TBL1Y: variants seen among roughly 807,000 people sequenced by gnomAD.
The protein encoded by TBL1Y is transducin beta like 1 Y-linked.
A neutral mutation model predicts 12.0 loss-of-function variants in TBL1Y; 15 were observed. The ratio of observed to expected loss-of-function variants is 1.25; its 90% CI spans 0.83 to 1.92. The LOEUF (loss-of-function observed/expected upper bound fraction) is 1.92. Among genes scored for constraint, TBL1Y ranks in the 40% most tolerant of loss-of-function variants. The pLI is 0.00. For synonymous variants in TBL1Y, 53 were observed against 42.6 expected (o/e 1.24, Z -0.95); for missense variants, 148 against 116.7 (o/e 1.27, Z -1.24).
chrY:6,946,450 A>G, intron 2 of TBL1Y, among the ~76,000 whole-genome samples: 1 of 33,059 alleles, frequency 3.0e-5, no homozygotes, highest in Non-Finnish European at 7.4e-5. Flanking sequence ...GTTGGGGCAC[A>G]GCTTGGGTTC....
chrY:7,057,987 G>A (rs2012833690), intron 7 of TBL1Y, among the ~76,000 whole-genome samples: 1 of 33,701 alleles, frequency 3.0e-5, no homozygotes, highest in East Asian at 7.9e-4. Context: ...ATTTGATTGC[G>A]GGCTTTAAAT....
chrY:7,063,262 G>A, intron 7 of TBL1Y, among the ~76,000 whole-genome samples: 1 of 33,711 alleles, frequency 3.0e-5, no homozygotes, highest in Non-Finnish European at 7.3e-5. Context: ...TCTCAGCAAG[G>A]CAAGTTACTT....
intron 8 of TBL1Y, among the ~76,000 whole-genome samples, chrY:7,065,041 G>T (rs2012969622): frequency 3.0e-5 from 1 of 33,215 alleles, no homozygotes; most frequent in Non-Finnish European, 7.4e-5. Context: ...TATTAACTAT[G>T]CAGTGACATG....
intron 2 of TBL1Y, among the ~76,000 whole-genome samples, chrY:6,921,490 A>G: frequency 1.2e-4 from 4 of 32,259 alleles, no homozygotes; most frequent in African/African-American, 4.9e-4. Context: ...CATTTTTCCT[A>G]TCTTGGTGGA....
chrY:6,955,730 A>T, intron 2 of TBL1Y, among the ~76,000 whole-genome samples: 1 of 34,017 alleles, frequency 2.9e-5, no homozygotes, highest in Non-Finnish European at 7.3e-5. Context: ...GAAAACAATA[A>T]GGTTAAGTCA....
intron 2 of TBL1Y, among the ~76,000 whole-genome samples, chrY:6,922,953 T>C (rs2011793964): frequency 2.9e-5 from 1 of 34,066 alleles, no homozygotes; most frequent in African/African-American, 1.1e-4. Flanking sequence ...CGCTTTTACC[T>C]CCACATCTCC....
At chrY:7,043,165 C>T in intron 7 of TBL1Y, 40 bp downstream of exon 7, 1 of 392,411 alleles carries the variant, frequency 2.5e-6, no homozygotes, top group Non-Finnish European at 3.6e-6. Flanking sequence ...CAGCAGAGCC[C>T]TGGGAAGGTG....
chrY:6,971,683 G>A (rs2012209167), intron 2 of TBL1Y, among the ~76,000 whole-genome samples: 1 of 33,075 alleles, frequency 3.0e-5, no homozygotes, highest in Non-Finnish European at 7.4e-5. Context: ...ATCTCAGTCC[G>A]CTGCAACTTC....
intron 2 of TBL1Y, among the ~76,000 whole-genome samples, chrY:6,959,484 G>A: frequency 3.1e-5 from 1 of 32,142 alleles, no homozygotes; most frequent in South Asian, 7.8e-4. Flanking sequence ...CTGTCTCTCC[G>A]GAGCTGCTGG....
intron 8 of TBL1Y, among the ~76,000 whole-genome samples, chrY:7,067,158 T>A (rs2012991907): frequency 2.7e-4 from 9 of 32,980 alleles, no homozygotes; most frequent in African/African-American, 4.8e-4. Context: ...TCCTGGTGGT[T>A]CTGCCTGGAC....
chrY:6,990,197 C>T, intron 3 of TBL1Y, among the ~76,000 whole-genome samples: 2 of 33,721 alleles, frequency 5.9e-5, no homozygotes, highest in South Asian at 1.3e-3. Context: ...ACTCTGTTGC[C>T]CAAACTGGAG....
chrY:7,034,743 T>G (rs2012678004), intron 6 of TBL1Y, among the ~76,000 whole-genome samples: 1 of 33,243 alleles, frequency 3.0e-5, no homozygotes, highest in Non-Finnish European at 7.5e-5. Flanking sequence ...ATAAACGGTG[T>G]TGGAAAAACT....
intron 3 of TBL1Y, among the ~76,000 whole-genome samples, chrY:6,993,189 T>TTTTCTTTCTTCCTTTC (rs2012381172): frequency 8.5e-5 from 1 of 11,820 alleles, no homozygotes. Context: ...TCCAAGTTCC[T>TTTTCTTTCTTCCTTTC]TTTCTTTCTT....
At chrY:7,073,609 G>A in intron 12 of TBL1Y, among the ~76,000 whole-genome samples, 7 of 33,332 alleles carry the variant, frequency 2.1e-4, no homozygotes, top group African/African-American at 8.2e-4. Flanking sequence ...AATGCTAATT[G>A]GTTGAGGGCT....
intron 4 of TBL1Y, among the ~76,000 whole-genome samples, chrY:7,013,617 C>T: frequency 5.8e-5 from 2 of 34,281 alleles, no homozygotes; most frequent in African/African-American, 2.3e-4. Context: ...AGAAGAGGTC[C>T]ACCATCCTCC....
intron 7 of TBL1Y, among the ~76,000 whole-genome samples, chrY:7,058,891 G>C: frequency 3.0e-5 from 1 of 33,457 alleles, no homozygotes; most frequent in East Asian, 7.8e-4. Context: ...GAATGGGGAA[G>C]AACTTTGAGG....
chrY:7,040,416 G>A, intron 6 of TBL1Y, among the ~76,000 whole-genome samples: 1 of 34,441 alleles, frequency 2.9e-5, no homozygotes, highest in East Asian at 7.6e-4. Context: ...GCATAGTTAT[G>A]TAGAGAATTA....
chrY:6,914,499 G>T, intron 2 of TBL1Y, among the ~76,000 whole-genome samples: 1 of 31,764 alleles, frequency 3.1e-5, no homozygotes, highest in Non-Finnish European at 7.6e-5. Flanking sequence ...AGACCAGCCT[G>T]GGCAACATGG....
At chrY:6,921,900 G>A in intron 2 of TBL1Y, among the ~76,000 whole-genome samples, 1 of 33,554 alleles carries the variant, frequency 3.0e-5, no homozygotes, top group African/African-American at 1.2e-4. Flanking sequence ...ATGGTGCTGT[G>A]TCCGGAATTG....
Sources: allele counts gnomAD v4.1 joint callset (sites outside exome capture counted in the v4.1 genomes callset), GRCh38; gene constraint gnomAD v4.1.1; transcripts MANE v1.5; gene names NCBI Gene and HGNC (gene_info 2026-07-23, HGNC 2026-07-21).